SAMD4A: variants seen among roughly 807,000 people sequenced by gnomAD.
The protein encoded by SAMD4A is sterile alpha motif domain containing 4A.
In SAMD4A, 33 loss-of-function variants were observed where a neutral mutation model predicts 81.3. That is an observed-to-expected ratio of 0.41 (90% CI 0.31 to 0.54). The LOEUF (loss-of-function observed/expected upper bound fraction) is 0.54, where lower values mean the gene tolerates loss of function less well. Among genes scored for constraint, SAMD4A ranks in the 20% least tolerant of loss-of-function variants. SAMD4A has a pLI of 0.37. For synonymous variants in SAMD4A, 389 were observed against 382.1 expected (o/e 1.02, Z -0.21); for missense variants, 854 against 951.1 (o/e 0.90, Z 1.34).
intron 6 of SAMD4A, chr14:54,754,925 G>A: frequency 1.2e-6 from 1 of 838,534 alleles, no homozygotes; most frequent in Non-Finnish European, 1.4e-6. Flanking sequence ...CCTGCAATGG[G>A]GAGCTGGGGA....
chr14:54,668,163 G>T (rs1371996836), intron 2 of SAMD4A, among the ~76,000 whole-genome samples: 4 of 152,178 alleles, frequency 2.6e-5, no homozygotes, highest in African/African-American at 9.7e-5. Flanking sequence ...CTCAGATACA[G>T]CCCCATGTTC....
intron 3 of SAMD4A, among the ~76,000 whole-genome samples, chr14:54,727,639 G>C (rs959844815): frequency 2.0e-5 from 3 of 152,228 alleles, no homozygotes; most frequent in African/African-American, 7.2e-5. Flanking sequence ...TTAGCTGGGA[G>C]CAAGTGCATG....
chr14:54,751,833 C>G (rs1415428188), intron 6 of SAMD4A, among the ~76,000 whole-genome samples: 2 of 152,126 alleles, frequency 1.3e-5, no homozygotes, highest in African/African-American at 2.4e-5. Flanking sequence ...GTGTCTCTGC[C>G]TCGTATACAT....
At chr14:54,665,536 A>G (rs548309339) in intron 2 of SAMD4A, among the ~76,000 whole-genome samples, 3 of 152,374 alleles carry the variant, frequency 2.0e-5, no homozygotes, top group Admixed American at 2.0e-4. Flanking sequence ...AGTTCTGGAC[A>G]ATACCACAAT....
intron 2 of SAMD4A, among the ~76,000 whole-genome samples, chr14:54,657,023 A>C (rs534090131): frequency 2.2e-4 from 34 of 152,174 alleles, no homozygotes; most frequent in African/African-American, 7.2e-4. Context: ...ACTATTTTAC[A>C]GTGGAAGCCA....
intron 2 of SAMD4A, among the ~76,000 whole-genome samples, chr14:54,688,474 C>A (rs1270075117): frequency 6.6e-6 from 1 of 152,114 alleles, no homozygotes; most frequent in Non-Finnish European, 1.5e-5. Flanking sequence ...ATTCATGAGC[C>A]AGCACAGGCT....
intron 2 of SAMD4A, among the ~76,000 whole-genome samples, chr14:54,612,868 C>A (rs1166288462): frequency 6.6e-6 from 1 of 152,142 alleles, no homozygotes; most frequent in African/African-American, 2.4e-5. Context: ...CCTGTAATCC[C>A]AGCACTTTGG....
chr14:54,644,607 A>G (rs75051087), intron 2 of SAMD4A, among the ~76,000 whole-genome samples: 2,726 of 152,284 alleles, frequency 0.018, 73 homozygotes, highest in African/African-American at 0.063. Context: ...AGACCCTTCC[A>G]TCACTGCCTC....
intron 2 of SAMD4A, among the ~76,000 whole-genome samples, chr14:54,667,541 T>C (rs2035782058): frequency 6.6e-6 from 1 of 152,168 alleles, no homozygotes; most frequent in African/African-American, 2.4e-5. Flanking sequence ...GGTCATCTCA[T>C]TGAAGAGCCA....
chr14:54,736,086 A>G (rs1193161353), intron 3 of SAMD4A, among the ~76,000 whole-genome samples: 1 of 152,224 alleles, frequency 6.6e-6, no homozygotes, highest in African/African-American at 2.4e-5. Context: ...TACACACCAG[A>G]AAAACCAACC....
chr14:54,649,614 G>A (rs772977918), intron 2 of SAMD4A, among the ~76,000 whole-genome samples: 1 of 152,188 alleles, frequency 6.6e-6, no homozygotes. Flanking sequence ...AAGTCAATTG[G>A]TGCCTGCTCC....
Position 54,730,325 on chromosome 14 carries a change from G to A in SAMD4A, c.716-6699G>A, listed in dbSNP as rs773327865. On this transcript the variant is annotated intron_variant, in intron 3 of 12. Transcript: ENST00000554335. The stretch of plus-strand genomic sequence containing the variant: ...GCTGTGTGTATTTGTCATCCCTGTT[G>A]TGATGTTCTTTGCAGCTTTTTCTTC... Among the ~76,000 whole-genome samples the A allele has an allele frequency of 6.9e-4, 105 of 152,334 alleles. 1 individual carries two copies. The highest frequency in any genetic ancestry group is 1.9e-4 in the Non-Finnish European group (13 of 68,016).
At chr14:54,625,754 C>T (rs914455535) in intron 2 of SAMD4A, among the ~76,000 whole-genome samples, 1 of 152,150 alleles carries the variant, frequency 6.6e-6, no homozygotes, top group Middle Eastern at 3.2e-3. Context: ...TTTGAACTCA[C>T]CTTGTGCAGC....
chr14:54,566,439 G>A (rs977834942), upstream of SAMD4A, among the ~76,000 whole-genome samples: 1 of 151,816 alleles, frequency 6.6e-6, no homozygotes, highest in Non-Finnish European at 1.5e-5. Flanking sequence ...GAAGCTAGCG[G>A]CTCCTTGAAG....
chr14:54,775,935 C>G (rs564329562), intron 10 of SAMD4A, among the ~76,000 whole-genome samples: 25 of 149,838 alleles, frequency 1.7e-4, no homozygotes, highest in African/African-American at 5.9e-4. Context: ...CTGGGACACA[C>G]AGGCTGAGTT....
chr14:54,742,496 CATA>C (rs2037869397), intron 4 of SAMD4A, among the ~76,000 whole-genome samples: 1 of 152,136 alleles, frequency 6.6e-6, no homozygotes, highest in African/African-American at 2.4e-5. Context: ...GCAGTTTCAG[CATA>C]ATATTACACT....
intron 6 of SAMD4A, among the ~76,000 whole-genome samples, chr14:54,755,280 T>A (rs1005961132): frequency 1.2e-4 from 18 of 151,972 alleles, no homozygotes; most frequent in Admixed American, 7.9e-4. Context: ...TGTAGGTCCA[T>A]GAGAAGGGTT....
chr14:54,590,300 G>A (rs1303539978), intron 2 of SAMD4A, among the ~76,000 whole-genome samples: 1 of 152,116 alleles, frequency 6.6e-6, no homozygotes, highest in East Asian at 1.9e-4. Context: ...ACCAGCCTGG[G>A]CAAAATCGTG....
chr14:54,613,011 G>C, intron 2 of SAMD4A, among the ~76,000 whole-genome samples: 1 of 152,106 alleles, frequency 6.6e-6, no homozygotes, highest in East Asian at 1.9e-4. Flanking sequence ...CAGCTACTCG[G>C]GAGGCTGAGG....
Sources: allele counts gnomAD v4.1 joint callset (sites outside exome capture counted in the v4.1 genomes callset), GRCh38; gene constraint gnomAD v4.1.1; transcripts MANE v1.5; gene names NCBI Gene and HGNC (gene_info 2026-07-23, HGNC 2026-07-21).